CFAP44: variants seen among roughly 807,000 people sequenced by gnomAD.
CFAP44 encodes cilia- and flagella-associated protein 44.
A neutral mutation model predicts 216.2 loss-of-function variants in CFAP44; 134 were observed. That is an observed-to-expected ratio of 0.62 (90% CI 0.54 to 0.72). CFAP44 has a LOEUF of 0.72. Ranked by LOEUF, CFAP44 falls within the 30% of genes least tolerant of loss-of-function variation. CFAP44 has a pLI of 0.00. For synonymous variants in CFAP44, 700 were observed against 727.6 expected (o/e 0.96, Z 0.61); for missense variants, 2,035 against 2,182.1 (o/e 0.93, Z 1.34).
intron 11 of CFAP44, 122 bp downstream of exon 11, chr3:113,401,118 T>C: frequency 1.2e-6 from 1 of 833,132 alleles, no homozygotes; most frequent in South Asian, 1.8e-5. Flanking sequence ...TAGCACATGT[T>C]AGGCAAGTTT....
intron 4 of CFAP44, among the ~76,000 whole-genome samples, chr3:113,423,031 C>T (rs1934858108): frequency 6.6e-6 from 1 of 151,280 alleles, no homozygotes; most frequent in South Asian, 2.1e-4. Context: ...TGTCTTCAGC[C>T]TATTGGCTAT....
At chr3:113,332,228 T>TA (rs1436236893) in intron 25 of CFAP44, among the ~76,000 whole-genome samples, 1 of 152,110 alleles carries the variant, frequency 6.6e-6, no homozygotes, top group Non-Finnish European at 1.5e-5. Context: ...GATGAATAAA[T>TA]AAAAATTACC....
At chr3:113,359,353 G>T (rs900521505) in intron 21 of CFAP44, among the ~76,000 whole-genome samples, 2 of 152,072 alleles carry the variant, frequency 1.3e-5, no homozygotes, top group African/African-American at 4.8e-5. Flanking sequence ...CTCCCATAAG[G>T]ATACTTAGAG....
chr3:113,396,380 TGAC>T, intron 14 of CFAP44, 135 bp downstream of exon 14: 1 of 925,082 alleles, frequency 1.1e-6, no homozygotes, highest in Non-Finnish European at 1.6e-6. Context: ...TGAAAGAATA[TGAC>T]TACAAAGAAA....
At chr3:113,368,736 A>C (rs1933045486) in intron 18 of CFAP44, among the ~76,000 whole-genome samples, 1 of 152,224 alleles carries the variant, frequency 6.6e-6, no homozygotes, top group South Asian at 2.1e-4. Context: ...ATTCACACAT[A>C]ACAATATTAA....
intron 3 of CFAP44, 46 bp from the exon 4 acceptor site, chr3:113,426,323 G>C: frequency 6.3e-7 from 1 of 1,586,796 alleles, no homozygotes; most frequent in Non-Finnish European, 8.6e-7. Context: ...GTTTGGCTGT[G>C]TCCCCACCCA....
chr3:113,403,865 T>C lies in CFAP44; in HGVS notation c.1157A>G (p.Asp386Gly), dbSNP rs199896690. 563 of 1,613,204 alleles carry C rather than the reference T, an allele frequency of 3.5e-4. No homozygotes were observed. The highest frequency in any genetic ancestry group is 2.7e-4 in the Non-Finnish European group (323 of 1,179,634). Residue 386 changes from aspartate (D) to glycine (G), a missense_variant, in exon 9 of 35, where the codon GAT becomes GGT. By Grantham distance (94) the Asp-to-Gly change is moderately conservative. Transcript: ENST00000393845. ...GAGAAAACTTACCCTAACATATCCA[T>C]CTGACCCAACAGTGATAACTTCACC... The part of the protein sequence containing the change: ...YEGEVITVGS[D>G]GYVRIWDFET...
Position 113,330,319 on chromosome 3 carries a change from G to C in CFAP44, c.3965C>G (p.Ser1322Ter). 1 of 1,537,250 alleles carries C rather than the reference G, an allele frequency of 6.5e-7. No homozygotes were observed. Among genetic ancestry groups the C allele is most frequent in the Non-Finnish European group, 8.7e-7 (1 of 1,146,896 alleles). The change falls in exon 26 of 35, where the codon TCA becomes TGA. Residue 1322 changes from serine (S) to a stop codon, truncating the protein, a stop_gained. Coordinates refer to ENST00000393845, the MANE Select transcript of CFAP44 (RefSeq NM_001164496.2). LOFTEE classifies it high-confidence loss of function. ...RKDGDLTTRD[S>*]ISRSSKASTF... ...TGATGCCTTTGATGATCTAGATATT[G>C]AATCACGGGTTGTCAAATCCCCATC...
intron 22 of CFAP44, among the ~76,000 whole-genome samples, chr3:113,352,376 T>C (rs139197419): frequency 0.029 from 4,380 of 152,300 alleles, 108 homozygotes; most frequent in East Asian, 0.1. Flanking sequence ...ATCTTGCTGC[T>C]GCTCACTCTT....
chr3:113,424,593 G>T (rs1328951534), intron 4 of CFAP44, among the ~76,000 whole-genome samples: 1 of 152,174 alleles, frequency 6.6e-6, no homozygotes, highest in African/African-American at 2.4e-5. Context: ...GATTATATAT[G>T]TCCATCTGCA....
At chr3:113,325,420 A>G (rs896552767) in intron 28 of CFAP44, among the ~76,000 whole-genome samples, 16 of 151,948 alleles carry the variant, frequency 1.1e-4, no homozygotes, top group African/African-American at 3.9e-4. Context: ...GGTTCTAAAT[A>G]AATAGAGATA....
rs187753788 is a variant in CFAP44 at position 113,330,556 on chromosome 3, G to A, written c.3728C>T (p.Ser1243Leu). The A allele has an allele frequency of 8.7e-5, 133 of 1,537,094 alleles. No homozygotes were observed. Among genetic ancestry groups the A allele is most frequent in the Non-Finnish European group, 1.0e-4 (119 of 1,146,850 alleles). Residue 1243 changes from serine (S) to leucine (L), a missense_variant, in exon 26 of 35, where the codon TCG becomes TTG. Physicochemically the swap from Ser to Leu is moderately radical, Grantham distance 145. Coordinates refer to ENST00000393845, the MANE Select transcript of CFAP44 (RefSeq NM_001164496.2). ...TATGTGCTTGGATATGTGAAGAGTC[G>A]ACTGAATGTTCTTCAGTTCTTGTAC... ...CLVQELKNIQ[S>L]TLHISKHIPI...
At chr3:113,435,236 G>A (rs570749661) in intron 1 of CFAP44, among the ~76,000 whole-genome samples, 88 of 152,178 alleles carry the variant, frequency 5.8e-4, no homozygotes, top group Non-Finnish European at 1.0e-3. Flanking sequence ...ACCTGAGAAT[G>A]GGTAATTTAT....
intron 28 of CFAP44, among the ~76,000 whole-genome samples, chr3:113,322,036 T>C (rs1394298399): frequency 6.6e-6 from 1 of 152,192 alleles, no homozygotes; most frequent in Non-Finnish European, 1.5e-5. Context: ...AAAATTCATA[T>C]GGAACCAAAA....
intron 6 of CFAP44, among the ~76,000 whole-genome samples, chr3:113,415,038 G>A (rs934758421): frequency 6.6e-6 from 1 of 152,064 alleles, no homozygotes; most frequent in African/African-American, 2.4e-5. Flanking sequence ...CTCAATTTCA[G>A]AGCATGTTAT....
intron 28 of CFAP44, among the ~76,000 whole-genome samples, chr3:113,315,978 T>C (rs893391641): frequency 1.1e-4 from 17 of 152,160 alleles, no homozygotes; most frequent in African/African-American, 4.1e-4. Flanking sequence ...CCATGGTAAA[T>C]CAAGGAGCAT....
chr3:113,347,369 C>A (rs145261273), intron 22 of CFAP44, among the ~76,000 whole-genome samples: 1 of 152,252 alleles, frequency 6.6e-6, no homozygotes, highest in East Asian at 1.9e-4. Flanking sequence ...AGTCACGTCG[C>A]CCAAGCAAGG....
At chr3:113,384,717 A>G (rs554850562) in intron 15 of CFAP44, among the ~76,000 whole-genome samples, 1 of 152,306 alleles carries the variant, frequency 6.6e-6, no homozygotes, top group African/African-American at 2.4e-5. Context: ...CCAGAATTGT[A>G]AGGAAAGAAA....
intron 33 of CFAP44, among the ~76,000 whole-genome samples, chr3:113,296,267 T>C (rs906988737): frequency 1.3e-5 from 2 of 152,204 alleles, no homozygotes; most frequent in Non-Finnish European, 2.9e-5. Flanking sequence ...GTATTCTATA[T>C]ACATATATAT....
Sources: allele counts gnomAD v4.1 joint callset (sites outside exome capture counted in the v4.1 genomes callset), GRCh38; gene constraint gnomAD v4.1.1; transcripts MANE v1.5; gene names NCBI Gene and HGNC (gene_info 2026-07-23, HGNC 2026-07-21).